UBIAD1: variants seen among roughly 807,000 people sequenced by gnomAD.
UBIAD1 encodes UbiA prenyltransferase domain containing 1.
Under a neutral mutation model 20.1 loss-of-function variants are expected in UBIAD1, and 12 were observed. The observed-to-expected ratio is 0.60, with a 90% CI of 0.38 to 0.97. The LOEUF (loss-of-function observed/expected upper bound fraction) is 0.97, where lower values mean the gene tolerates loss of function less well. Ranked by LOEUF, UBIAD1 falls within the 50% of genes least tolerant of loss-of-function variation. The pLI, the probability that UBIAD1 is intolerant of heterozygous loss-of-function variation, is 0.00. For synonymous variants in UBIAD1, 207 were observed against 189.2 expected (o/e 1.09, Z -0.77); for missense variants, 333 against 419.5 (o/e 0.79, Z 1.80).
Position 11,273,765 on chromosome 1 carries a change from C to G in UBIAD1, c.234C>G (p.Val78=), listed in dbSNP as rs756884745. ...CCCTTGCCTACAGATCCCACGGTGT[C>G]CTGGATCCCAGGCTCTTGGTGGGTT... is the stretch of plus-strand genomic sequence containing the variant. ...GSALAYRSHG[V]LDPRLLVGCA... The change falls in exon 1 of 2, where the codon GTC becomes GTG. Residue 78 remains valine (V), a synonymous_variant. Transcript: ENST00000376810. The surrounding 1 kb of genome is among the most constrained non-coding windows in gnomAD (Gnocchi z 4.9). 7 of 1,613,984 alleles carry G rather than the reference C, an allele frequency of 4.3e-6. No homozygotes were observed. The highest frequency in any genetic ancestry group is 5.9e-6 in the Non-Finnish European group (7 of 1,180,016).
chr1:11,278,115 G>A (rs1391860585), intron 1 of UBIAD1, among the ~76,000 whole-genome samples: 4 of 151,960 alleles, frequency 2.6e-5, no homozygotes, highest in Admixed American at 6.6e-5. Context: ...GTGCTACCAC[G>A]CCTGGTTAAT....
downstream of UBIAD1, among the ~76,000 whole-genome samples, chr1:11,288,597 T>C (rs1269475370): frequency 1.3e-5 from 2 of 152,024 alleles, no homozygotes; most frequent in East Asian, 3.9e-4. Context: ...TTTGACCAGA[T>C]TCGACAGGCC....
chr1:11,296,326 A>T (rs1340014922), downstream of UBIAD1, among the ~76,000 whole-genome samples: 1 of 152,180 alleles, frequency 6.6e-6, no homozygotes, highest in Non-Finnish European at 1.5e-5. Flanking sequence ...GTAGAAGTCC[A>T]GGCTCGATCA....
chr1:11,293,872 C>T (rs1251445398), intron 1 of UBIAD1, among the ~76,000 whole-genome samples: 3 of 152,164 alleles, frequency 2.0e-5, no homozygotes, highest in African/African-American at 7.2e-5. Flanking sequence ...AACGGGATTT[C>T]ACCATGTTGG....
chr1:11,283,412 C>T (rs541968751), intron 1 of UBIAD1, among the ~76,000 whole-genome samples: 7 of 152,132 alleles, frequency 4.6e-5, no homozygotes, highest in South Asian at 2.1e-4. Context: ...TTGGAAGAGA[C>T]GTCAATTTAC....
chr1:11,297,264 G>A (rs1466876368), downstream of UBIAD1, among the ~76,000 whole-genome samples: 2 of 152,200 alleles, frequency 1.3e-5, no homozygotes, highest in African/African-American at 4.8e-5. Flanking sequence ...CATGGGTAGA[G>A]TATTAGTGCC....
intron 1 of UBIAD1, among the ~76,000 whole-genome samples, chr1:11,274,917 AT>A (rs1306959671): frequency 6.6e-6 from 1 of 151,610 alleles, no homozygotes; most frequent in South Asian, 2.1e-4. Context: ...CTATATGGAC[AT>A]TTTTTCTGTC....
intron 1 of UBIAD1, chr1:11,278,767 G>T: frequency 1.8e-6 from 1 of 551,208 alleles, no homozygotes; most frequent in Non-Finnish European, 3.2e-6. Context: ...CCATCCCACT[G>T]GAGTTATTTA....
exon 2 of UBIAD1, chr1:11,295,006 G>T (rs1415748986): frequency 1.4e-6 from 1 of 713,218 alleles, no homozygotes; most frequent in Non-Finnish European, 2.6e-6. Context: ...GGAGAGGGAA[G>T]TGAGCCCCTT....
chr1:11,298,801 A>G (rs1638487840), downstream of UBIAD1, among the ~76,000 whole-genome samples: 1 of 151,390 alleles, frequency 6.6e-6, no homozygotes, highest in South Asian at 2.1e-4. The surrounding 1 kb of genome is among the most constrained non-coding windows in gnomAD (Gnocchi z 4.0). Context: ...ATGCAGCTCC[A>G]AGGAGGATAA....
chr1:11,275,436 G>A (rs751212637), intron 1 of UBIAD1, among the ~76,000 whole-genome samples: 2 of 152,106 alleles, frequency 1.3e-5, no homozygotes, highest in Non-Finnish European at 2.9e-5. Context: ...ATCAGGGTAG[G>A]CTTCATCAAA....
chr1:11,274,307 A>G (rs540956050), intron 1 of UBIAD1, among the ~76,000 whole-genome samples: 34 of 152,258 alleles, frequency 2.2e-4, no homozygotes, highest in African/African-American at 7.5e-4. Context: ...TTTTTTATGT[A>G]TTCATTTTTG....
At chr1:11,295,124 GACAC>G in exon 2 of UBIAD1, 1 of 584,618 alleles carries the variant, frequency 1.7e-6, no homozygotes, top group Non-Finnish European at 3.1e-6. Context: ...AGAGGAAGTT[GACAC>G]ACGTGAACCA....
chr1:11,283,195 G>A (rs1422650608), intron 1 of UBIAD1, among the ~76,000 whole-genome samples: 1 of 152,158 alleles, frequency 6.6e-6, no homozygotes, highest in African/African-American at 2.4e-5. Flanking sequence ...GATCTAAGGA[G>A]GTGTTCTTGG....
rs758141480 is a variant in UBIAD1, at chr1:11,285,878, C to T, written c.764C>T (p.Thr255Met). 6 of 1,614,090 alleles carry T rather than the reference C, an allele frequency of 3.7e-6. No individual in the cohort carries two copies. Among genetic ancestry groups the T allele is most frequent in the South Asian group, 2.2e-5 (2 of 91,090 alleles). ...ACGCTGGCCATCCTCATCGGCCCCA[C>T]GTTCTCCTACATTCTCTACAACACA... ...IVTLAILIGP[T>M]FSYILYNTLL... The change falls in exon 2 of 2, where the codon ACG (threonine) becomes ATG (methionine). Residue 255 changes from threonine (T) to methionine (M), a missense_variant. Transcript: ENST00000376810. The surrounding 1 kb of genome is among the most constrained non-coding windows in gnomAD (Gnocchi z 4.4).
chr1:11,278,634 C>A, intron 1 of UBIAD1: 1 of 1,468,304 alleles, frequency 6.8e-7, no homozygotes, highest in Non-Finnish European at 9.1e-7. Flanking sequence ...GTTTGTCCTT[C>A]CAGTGGCTGT....
At chr1:11,296,331 C>T (rs1280375479), downstream of UBIAD1, among the ~76,000 whole-genome samples, 2 of 152,072 alleles carry the variant, frequency 1.3e-5, no homozygotes, top group Non-Finnish European at 2.9e-5. Flanking sequence ...AGTCCAGGCT[C>T]GATCACTCAC....
In UBIAD1 at chr1:11,286,150, C is replaced by A; in HGVS notation, c.*19C>A. Reference sequence around the variant, plus strand: ...AATTTAAGGGGACAAGTAGCTCCCCCCACGACATGTCTCCCTTTCTTAGAA... The same window carrying A: ...AATTTAAGGGGACAAGTAGCTCCCCACACGACATGTCTCCCTTTCTTAGAA... On this transcript the variant is annotated 3_prime_UTR_variant, in exon 2 of 2. Coordinates refer to ENST00000376810, the MANE Select transcript of UBIAD1 (RefSeq NM_013319.3). 6.2e-7 allele frequency: 1 copy of A among 1,614,094 alleles called. No individual in the cohort carries two copies. Among genetic ancestry groups the A allele is most frequent in the Non-Finnish European group, 8.5e-7 (1 of 1,179,990 alleles).
intron 1 of UBIAD1, among the ~76,000 whole-genome samples, chr1:11,284,589 C>T (rs184053545): frequency 2.9e-3 from 441 of 152,248 alleles, no homozygotes; most frequent in African/African-American, 4.9e-3. Context: ...CTCAGCCTCC[C>T]GAGTAGCTGG....
Sources: allele counts gnomAD v4.1 joint callset (sites outside exome capture counted in the v4.1 genomes callset), GRCh38; gene constraint gnomAD v4.1.1; non-coding constraint Gnocchi (gnomAD v3.1); transcripts MANE v1.5; gene names NCBI Gene and HGNC (gene_info 2026-07-23, HGNC 2026-07-21).